Variants in DST observed in about 807,000 individuals in gnomAD.
DST encodes bullous pemphigoid antigen.
DST carries 253 observed loss-of-function variants against 875.2 expected under a neutral mutation model. The ratio of observed to expected loss-of-function variants is 0.29; its 90% CI spans 0.26 to 0.32. DST has a LOEUF of 0.32. Ranked by LOEUF, DST falls within the 10% of genes least tolerant of loss-of-function variation. The pLI is 1.00. For synonymous variants in DST, 3,124 were observed against 3,197.1 expected (o/e 0.98, Z 0.77); for missense variants, 8,287 against 9,111.6 (o/e 0.91, Z 3.68).
In DST at chr6:56,613,860, T is replaced by C. The variant is rs139822720; in HGVS notation, c.5058+496A>G. On this transcript the variant is annotated intron_variant, in intron 37 of 103. Coordinates refer to ENST00000680361, the MANE Select transcript of DST (RefSeq NM_001374736.1). ...ATTTCCAGTGATTGACTGTAGACAC[T>C]TCCTTATGAGATAGAAAAGACCCAG... 1.2e-4 allele frequency among the ~76,000 whole-genome samples: 18 copies of C among 152,306 alleles called. No homozygotes were observed. In the East Asian group the frequency reaches 3.5e-3, roughly 29 times the overall value.
chr6:56,504,187 A>C, intron 77 of DST, 89 bp from the exon 78 acceptor site: 1 of 783,256 alleles, frequency 1.3e-6, no homozygotes, highest in Middle Eastern at 2.3e-4. Flanking sequence ...TACAATCATA[A>C]ATCTAAAAGA....
chr6:56,802,754 T>C (rs1170492346), intron 4 of DST, among the ~76,000 whole-genome samples: 1 of 152,168 alleles, frequency 6.6e-6, no homozygotes, highest in African/African-American at 2.4e-5. Context: ...TGTGGCCTCT[T>C]GGAAGGGAAA....
At chr6:56,846,303 T>C (rs780075188) in intron 4 of DST, among the ~76,000 whole-genome samples, 14 of 152,330 alleles carry the variant, frequency 9.2e-5, no homozygotes, top group Non-Finnish European at 1.6e-4. Context: ...ATAAGTTTGG[T>C]AAATTGTCCA....
At position 56,928,133 on chromosome 6, in the gene DST, C is replaced by T. The variant is rs368132343; in HGVS notation, c.216+25652G>A. 5.9e-5 allele frequency among the ~76,000 whole-genome samples: 9 copies of T among 152,248 alleles called. No individual in the cohort carries two copies. In the East Asian group the frequency reaches 7.7e-4, roughly 13 times the overall value. On this transcript the variant is annotated intron_variant, in intron 2 of 103. Coordinates refer to ENST00000680361, the MANE Select transcript of DST (RefSeq NM_001374736.1). ...CTAGCTGCTGCTGGTACCTACAAGG[C>T]GGAGTGATGAGGCTGGCTCTGGCAA...
At chr6:56,748,297 G>A (rs576735953) in intron 4 of DST, among the ~76,000 whole-genome samples, 1 of 152,188 alleles carries the variant, frequency 6.6e-6, no homozygotes, top group African/African-American at 2.4e-5. Context: ...CTATGGTAAG[G>A]ACAAAAAACA....
At chr6:56,568,077 T>A (rs1029306214) in intron 55 of DST, among the ~76,000 whole-genome samples, 1 of 152,166 alleles carries the variant, frequency 6.6e-6, no homozygotes, top group Non-Finnish European at 1.5e-5. Context: ...TTCCCTCACT[T>A]CTTTCCCAGC....
intron 2 of DST, among the ~76,000 whole-genome samples, chr6:56,919,439 A>G (rs1802940393): frequency 6.6e-6 from 1 of 152,212 alleles, no homozygotes; most frequent in Non-Finnish European, 1.5e-5. Flanking sequence ...GGGTAACATC[A>G]TCTACTTAAC....
chr6:56,922,884 C>T (rs58338781), intron 2 of DST, among the ~76,000 whole-genome samples: 24,491 of 152,042 alleles, frequency 0.16, 2,161 homozygotes, highest in Middle Eastern at 0.24. Flanking sequence ...GCTTGTTAAA[C>T]ATTACTAAAT....
chr6:56,746,538 C>T (rs3002005), intron 4 of DST, among the ~76,000 whole-genome samples: 110,824 of 151,964 alleles, frequency 0.73, 41,674 homozygotes, highest in African/African-American at 0.92. Flanking sequence ...CATAGTAACA[C>T]AAAAGAGGTT....
At chr6:56,893,956 T>C (rs1361521750) in intron 3 of DST, among the ~76,000 whole-genome samples, 1 of 16,480 alleles carries the variant, frequency 6.1e-5, no homozygotes, top group Non-Finnish European at 1.1e-4. Context: ...AGAAGAATTT[T>C]TCTTAGTACA....
chr6:56,804,198 C>T (rs1202992696), intron 4 of DST, among the ~76,000 whole-genome samples: 4 of 152,066 alleles, frequency 2.6e-5, no homozygotes, highest in East Asian at 3.9e-4. Context: ...AGATTTTTAC[C>T]GTAAGGATTG....
intron 6 of DST, 94 bp downstream of exon 6, chr6:56,704,186 G>T (rs1246937735): frequency 1.7e-6 from 1 of 576,604 alleles, no homozygotes; most frequent in Non-Finnish European, 2.9e-6. Context: ...GATGAATGTT[G>T]CAAAAATCTG....
At chr6:56,615,316 C>T (rs1375473503) in intron 36 of DST, 2 of 1,376,654 alleles carry the variant, frequency 1.5e-6, no homozygotes, top group Admixed American at 3.0e-5. Context: ...CTAAATGAAA[C>T]CATTTGAAGG....
intron 2 of DST, among the ~76,000 whole-genome samples, chr6:56,914,089 A>C (rs1256269212): frequency 6.6e-6 from 1 of 151,952 alleles, no homozygotes; most frequent in South Asian, 2.1e-4. Context: ...CTACACTCTT[A>C]TTTTTTCTTA....
chr6:56,633,163 T>G (rs2098795369), intron 27 of DST, 126 bp from the exon 28 acceptor site: 2 of 777,914 alleles, frequency 2.6e-6, no homozygotes, highest in African/African-American at 3.5e-5. Flanking sequence ...ACATTTGAAA[T>G]TAACTGTCTT....
At chr6:56,633,644 G>A (rs2098802143) in intron 27 of DST, among the ~76,000 whole-genome samples, 1 of 151,994 alleles carries the variant, frequency 6.6e-6, no homozygotes. Flanking sequence ...AAGATTACAG[G>A]CATGCACCAC....
At chr6:56,757,608 T>C (rs2099607294) in intron 4 of DST, among the ~76,000 whole-genome samples, 1 of 152,204 alleles carries the variant, frequency 6.6e-6, no homozygotes, top group African/African-American at 2.4e-5. Flanking sequence ...AAAGTTCCAG[T>C]AAATGAAATA....
chr6:56,521,690 G>A (rs2096710469), intron 69 of DST, among the ~76,000 whole-genome samples: 1 of 146,044 alleles, frequency 6.8e-6, no homozygotes, highest in South Asian at 2.3e-4. Context: ...ATCAAATATT[G>A]TTAAGCAACA....
intron 4 of DST, among the ~76,000 whole-genome samples, chr6:56,780,573 G>A (rs1313652684): frequency 2.0e-5 from 3 of 152,096 alleles, no homozygotes; most frequent in Admixed American, 6.6e-5. Flanking sequence ...TGATGGGGTT[G>A]TCTGTTTTTT....
Sources: gnomAD v4.1 joint callset for allele counts (sites outside exome capture counted in the v4.1 genomes callset) on GRCh38, gnomAD v4.1.1 for gene constraint, MANE v1.5 for transcripts, NCBI Gene and HGNC (gene_info 2026-07-23, HGNC 2026-07-21) for gene names.